PSEN1: variants seen among roughly 807,000 people sequenced by gnomAD.
PSEN1 encodes presenilin 1.
Under a neutral mutation model 53.5 loss-of-function variants are expected in PSEN1, and 15 were observed. The observed-to-expected ratio is 0.28, with a 90% CI of 0.19 to 0.43. The LOEUF (loss-of-function observed/expected upper bound fraction) is 0.43, where lower values mean the gene tolerates loss of function less well. Among genes scored for constraint, PSEN1 ranks in the 20% least tolerant of loss-of-function variants. PSEN1 has a pLI of 1.00. For missense variants in PSEN1, 387 were observed against 571.2 expected (o/e 0.68, Z 3.29); for synonymous variants, 208 against 209.8 (o/e 0.99, Z 0.08).
intron 10 of PSEN1, among the ~76,000 whole-genome samples, chr14:73,212,852 C>T (rs362343): frequency 0.11 from 16,815 of 152,158 alleles, 1,061 homozygotes; most frequent in African/African-American, 0.18. Flanking sequence ...ATTTTCCAAC[C>T]AAGTTATTTT....
intron 9 of PSEN1, chr14:73,208,673 C>G (rs565341355): frequency 3.1e-6 from 1 of 319,598 alleles, no homozygotes; most frequent in Non-Finnish European, 6.2e-6. Context: ...GAAGTACATG[C>G]TGATGGGTCC....
intron 9 of PSEN1, among the ~76,000 whole-genome samples, chr14:73,209,674 G>A (rs1292481315): frequency 1.3e-5 from 2 of 152,218 alleles, no homozygotes; most frequent in Admixed American, 6.6e-5. Flanking sequence ...AGACGTATAA[G>A]TTGCTATGAA....
intron 5 of PSEN1, among the ~76,000 whole-genome samples, chr14:73,174,434 A>T (rs1176949134): frequency 6.6e-6 from 1 of 152,128 alleles, no homozygotes; most frequent in African/African-American, 2.4e-5. Context: ...GGGTTTCACC[A>T]TGTTGACCAC....
At chr14:73,193,565 GC>G (rs1898814396) in intron 7 of PSEN1, among the ~76,000 whole-genome samples, 2 of 124,416 alleles carry the variant, frequency 1.6e-5, no homozygotes, top group Non-Finnish European at 1.7e-5. Flanking sequence ...AAAAAAAAAA[GC>G]AAAAAAAAAA....
At position 73,220,624 on chromosome 14, in the gene PSEN1, G is replaced by A. The variant is rs1411341004; in HGVS notation, c.*1335G>A. 6.6e-6 allele frequency: 1 copy of A among 152,226 alleles called. No individual in the cohort carries two copies. Among genetic ancestry groups the A allele is most frequent in the Non-Finnish European group, 1.5e-5 (1 of 68,060 alleles). The allele number at this position is 152,226 out of a possible 1,614,324, so 9.4% of individuals were successfully genotyped here. On this transcript the variant is annotated 3_prime_UTR_variant, in exon 12 of 12. Transcript: ENST00000324501. ...AGAAGGGGCCTCCAGCAGCGAAGGGGATACAGTGAGCTAATGATGTCAAGG... is the reference window on the plus strand; with the variant it reads ...AGAAGGGGCCTCCAGCAGCGAAGGGAATACAGTGAGCTAATGATGTCAAGG...
chr14:73,207,435 A>G (rs773154039), intron 9 of PSEN1, among the ~76,000 whole-genome samples: 2 of 152,132 alleles, frequency 1.3e-5, no homozygotes, highest in Non-Finnish European at 2.9e-5. Context: ...ATTGGTGAGG[A>G]AAAAAAGGCC....
chr14:73,197,033 C>T (rs542619466), intron 7 of PSEN1, among the ~76,000 whole-genome samples: 6 of 150,060 alleles, frequency 4.0e-5, no homozygotes, highest in Admixed American at 1.3e-4. Context: ...CCCGGGTTCA[C>T]GCCGTTCTCC....
intron 8 of PSEN1, among the ~76,000 whole-genome samples, chr14:73,200,510 A>G (rs1445155603): frequency 2.6e-5 from 4 of 151,900 alleles, no homozygotes; most frequent in Admixed American, 2.6e-4. Flanking sequence ...ACTGCCTCAG[A>G]CTCCCAAAGC....
In PSEN1 at chr14:73,221,672, C is replaced by T. The variant is rs1900121214; in HGVS notation, c.*2383C>T. 6.6e-6 allele frequency: 1 copy of T among 152,078 alleles called. No individual in the cohort carries two copies. Among genetic ancestry groups the T allele is most frequent in the Admixed American group, 6.6e-5 (1 of 15,260 alleles). The allele number at this position is 152,078 out of a possible 1,614,324, so 9.4% of individuals were successfully genotyped here. The stretch of plus-strand genomic sequence containing the variant: ...CCTGGGCTCAAGTAATCCACCTCAG[C>T]CTGAGTAGCTGAGACTACAGCCCAT... On this transcript the variant is annotated 3_prime_UTR_variant, in exon 12 of 12. Transcript: ENST00000324501.
intron 7 of PSEN1, among the ~76,000 whole-genome samples, chr14:73,194,421 T>A: frequency 6.6e-6 from 1 of 151,918 alleles, no homozygotes. Context: ...CATGCCTAAT[T>A]TTTTAAAAAA....
At chr14:73,150,148 A>C (rs1897176094) in intron 3 of PSEN1, among the ~76,000 whole-genome samples, 1 of 152,192 alleles carries the variant, frequency 6.6e-6, no homozygotes, top group Non-Finnish European at 1.5e-5. Flanking sequence ...TGTACCTATC[A>C]CCCAGCTTTA....
chr14:73,142,031 C>T (rs1185929360), intron 1 of PSEN1, among the ~76,000 whole-genome samples: 2 of 150,440 alleles, frequency 1.3e-5, no homozygotes, highest in Non-Finnish European at 3.0e-5. Flanking sequence ...TGTGCCACTG[C>T]ACTCCAGCCT....
At chr14:73,164,536 C>T (rs982025457) in intron 3 of PSEN1, among the ~76,000 whole-genome samples, 1 of 152,164 alleles carries the variant, frequency 6.6e-6, no homozygotes, top group African/African-American at 2.4e-5. Flanking sequence ...GAATTTACAA[C>T]AACCCTATCA....
At chr14:73,203,758 T>C (rs1899327843) in intron 8 of PSEN1, among the ~76,000 whole-genome samples, 1 of 152,232 alleles carries the variant, frequency 6.6e-6, no homozygotes, top group Non-Finnish European at 1.5e-5. Flanking sequence ...TGGTTCACTC[T>C]GGGAGCTTAA....
chr14:73,161,086 C>T (rs1459743671), intron 3 of PSEN1, among the ~76,000 whole-genome samples: 1 of 151,196 alleles, frequency 6.6e-6, no homozygotes, highest in East Asian at 2.0e-4. Context: ...GCAGTCCTTC[C>T]ACCTCAGCCT....
At chr14:73,174,710 TG>T (rs1897994495) in intron 5 of PSEN1, among the ~76,000 whole-genome samples, 3 of 152,210 alleles carry the variant, frequency 2.0e-5, no homozygotes, top group Admixed American at 1.3e-4. Context: ...CTTCAGATGC[TG>T]GTATTAAACT....
At chr14:73,169,108 T>C (rs1430093367) in intron 3 of PSEN1, 1 of 152,204 alleles carries the variant, frequency 6.6e-6, no homozygotes, top group Non-Finnish European at 1.5e-5. Flanking sequence ...CTGTTTTACT[T>C]TTGTAAAACC....
chr14:73,173,201 TGTC>T (rs970453297), intron 4 of PSEN1, among the ~76,000 whole-genome samples: 3 of 152,206 alleles, frequency 2.0e-5, no homozygotes, highest in Admixed American at 2.0e-4. Flanking sequence ...GACAACCACT[TGTC>T]AGCCCACGTG....
intron 3 of PSEN1, among the ~76,000 whole-genome samples, chr14:73,153,546 T>G (rs144677677): frequency 1.8e-4 from 28 of 152,266 alleles, no homozygotes; most frequent in Non-Finnish European, 2.9e-4. Context: ...TGTTTTCAAG[T>G]TTTCCACTTA....
Sources: gnomAD v4.1 joint callset for allele counts (sites outside exome capture counted in the v4.1 genomes callset) on GRCh38, gnomAD v4.1.1 for gene constraint, MANE v1.5 for transcripts, NCBI Gene and HGNC (gene_info 2026-07-23, HGNC 2026-07-21) for gene names.